The following SLC9C1 variants were observed in gnomAD, a reference collection of about 807,000 sequenced individuals.
The protein encoded by SLC9C1 is solute carrier family 9 member C1.
Under a neutral mutation model 140.9 loss-of-function variants are expected in SLC9C1, and 97 were observed. That is an observed-to-expected ratio of 0.69 (90% CI 0.58 to 0.82). The LOEUF (loss-of-function observed/expected upper bound fraction) is 0.82. Among genes scored for constraint, SLC9C1 ranks in the 40% least tolerant of loss-of-function variants. The pLI, the probability that SLC9C1 is intolerant of heterozygous loss-of-function variation, is 0.00. For synonymous variants in SLC9C1, 440 were observed against 442.6 expected, an observed-to-expected ratio of 0.99 and a Z score of 0.07; for missense variants, 1,340 against 1,389.3, an observed-to-expected ratio of 0.96 and a Z score of 0.56.
chr3:112,185,783 G>C, intron 20 of SLC9C1: 1 of 1,551,790 alleles, frequency 6.4e-7, no homozygotes. Context: ...GCACGATGCG[G>C]CTGCGAGAGG....
chr3:112,212,142 G>C (rs2078226099), intron 15 of SLC9C1, among the ~76,000 whole-genome samples: 1 of 152,168 alleles, frequency 6.6e-6, no homozygotes, highest in Admixed American at 6.5e-5. Context: ...TGCAGCTGAG[G>C]GTCCTGACTG....
chr3:112,289,270 G>T (rs1252789380), intron 1 of SLC9C1, among the ~76,000 whole-genome samples: 1 of 152,216 alleles, frequency 6.6e-6, no homozygotes, highest in African/African-American at 2.4e-5. Flanking sequence ...AAACCATGGG[G>T]TATATCAGCA....
intron 10 of SLC9C1, among the ~76,000 whole-genome samples, chr3:112,250,968 G>C (rs897160972): frequency 1.3e-5 from 2 of 152,240 alleles, no homozygotes; most frequent in Middle Eastern, 3.4e-3. Context: ...ATTCACAAGA[G>C]TAAATACATG....
chr3:112,178,998 G>C (rs1387824302), intron 23 of SLC9C1, among the ~76,000 whole-genome samples: 1 of 152,152 alleles, frequency 6.6e-6, no homozygotes, highest in East Asian at 1.9e-4. Context: ...AGCAACCTCA[G>C]TAGAAATTTT....
rs76841582 is a variant in SLC9C1 at position 112,240,802 on chromosome 3, A to G, written c.1280-796T>C. On this transcript the variant is annotated intron_variant, in intron 11 of 28. Transcript: ENST00000305815. ...TTGTTCTAGAATACATCCAGTTTCT[A>G]GCTTCCTAAGAAATTTAGCACCTGT... is the stretch of plus-strand genomic sequence containing the variant. Among the ~76,000 whole-genome samples the G allele has an allele frequency of 1.3e-3, 193 of 152,338 alleles. 3 individuals carry two copies. Among genetic ancestry groups the G allele is most frequent in the African/African-American group, 4.3e-3 (180 of 41,584 alleles).
chr3:112,272,741 A>T (rs2080110235), intron 6 of SLC9C1, among the ~76,000 whole-genome samples: 1 of 152,200 alleles, frequency 6.6e-6, no homozygotes, highest in Admixed American at 6.5e-5. Flanking sequence ...ACAAAAAAAT[A>T]AAGTTCCATT....
At chr3:112,250,518 C>G (rs2079424607) in intron 10 of SLC9C1, among the ~76,000 whole-genome samples, 1 of 149,842 alleles carries the variant, frequency 6.7e-6, no homozygotes, top group Non-Finnish European at 1.5e-5. Flanking sequence ...AACTAGTTTA[C>G]AGTCCCACCA....
intron 15 of SLC9C1, among the ~76,000 whole-genome samples, chr3:112,210,605 A>G (rs4682092): frequency 0.76 from 114,880 of 152,144 alleles, 43,782 homozygotes; most frequent in East Asian, 0.99. Context: ...AAATAACACT[A>G]AATTATACAC....
At position 112,141,011 on chromosome 3, in the gene SLC9C1, G is replaced by A. The variant is rs2074605505; in HGVS notation, c.*261C>T. 2.8e-6 allele frequency: 1 copy of A among 356,016 alleles called. No homozygotes were observed. The allele number at this position is 356,016 out of a possible 1,614,324, so 22.1% of individuals were successfully genotyped here. On this transcript the variant is annotated 3_prime_UTR_variant, in exon 29 of 29. Transcript: ENST00000305815. ...CTATAAACTTATTTTCTGGCTTTAAGACTAAAATTTACTCTAAGATTTTCT... is the reference window on the plus strand; with the variant it reads ...CTATAAACTTATTTTCTGGCTTTAAAACTAAAATTTACTCTAAGATTTTCT...
chr3:112,225,482 T>C (rs2078658286), intron 13 of SLC9C1, among the ~76,000 whole-genome samples: 1 of 151,960 alleles, frequency 6.6e-6, no homozygotes, highest in Admixed American at 6.6e-5. Context: ...TCAAACCTTA[T>C]TATTACAGAA....
Position 112,202,247 on chromosome 3 carries a change from T to C in SLC9C1, c.2322+3A>G. On this transcript the variant is annotated splice_donor_region_variant and intron_variant, in intron 18 of 28. Coordinates refer to ENST00000305815, the MANE Select transcript of SLC9C1 (RefSeq NM_183061.3). ...CTTTTCTTAGGATTTAAGGTTTTCT[T>C]ACCTGTTTAATCTGTTTAGAACTTG... 6.2e-7 allele frequency: 1 copy of C among 1,608,436 alleles called. No homozygotes were observed. The highest frequency in any genetic ancestry group is 8.5e-7 in the Non-Finnish European group (1 of 1,178,038).
At chr3:112,285,618 T>C (rs2080486517) in intron 2 of SLC9C1, among the ~76,000 whole-genome samples, 1 of 152,216 alleles carries the variant, frequency 6.6e-6, no homozygotes. Context: ...TTACACTGCA[T>C]AATTTCAGCT....
chr3:112,177,956 A>G (rs976142658), intron 23 of SLC9C1, among the ~76,000 whole-genome samples: 1 of 151,640 alleles, frequency 6.6e-6, no homozygotes, highest in Non-Finnish European at 1.5e-5. Context: ...ATGTGATTAT[A>G]TGCCAAAAAT....
intron 28 of SLC9C1, among the ~76,000 whole-genome samples, 186 bp downstream of exon 28, chr3:112,151,671 G>C (rs756838412): frequency 3.3e-5 from 5 of 152,212 alleles, no homozygotes; most frequent in Non-Finnish European, 7.3e-5. Flanking sequence ...CTAGATAAAG[G>C]AGTATTATTT....
intron 15 of SLC9C1, among the ~76,000 whole-genome samples, chr3:112,211,089 C>G (rs2078189515): frequency 6.6e-6 from 1 of 152,010 alleles, no homozygotes; most frequent in Admixed American, 6.6e-5. Flanking sequence ...TGTTTTCTTA[C>G]TTTAGGTATG....
chr3:112,218,055 A>G (rs2078433612), intron 14 of SLC9C1, among the ~76,000 whole-genome samples: 1 of 152,186 alleles, frequency 6.6e-6, no homozygotes, highest in Non-Finnish European at 1.5e-5. Flanking sequence ...CAAAGCAGAT[A>G]GTAAGGTTTA....
rs187607948 is a variant in SLC9C1, at chr3:112,216,735, G to A, written c.1790+707C>T. Reference sequence around the variant, plus strand: ...TGCTGGAGAGGATGTGGAGAAATAGGAACACATTTACACTGTTTGTGGGGC... The same window carrying A: ...TGCTGGAGAGGATGTGGAGAAATAGAAACACATTTACACTGTTTGTGGGGC... On this transcript the variant is annotated intron_variant, in intron 15 of 28. Coordinates refer to ENST00000305815, the MANE Select transcript of SLC9C1 (RefSeq NM_183061.3). Among the ~76,000 whole-genome samples, 356 of 152,292 alleles carry A rather than the reference G, an allele frequency of 2.3e-3. 11 individuals are homozygous for A. The East Asian group carries it at 0.06, about 26-fold the overall frequency.
chr3:112,160,240 T>G (rs1020199913), intron 26 of SLC9C1, among the ~76,000 whole-genome samples: 9 of 151,046 alleles, frequency 6.0e-5, no homozygotes, highest in Admixed American at 1.3e-4. Flanking sequence ...TATTTATTTT[T>G]TATTTTTATT....
chr3:112,268,384 C>T (rs1396099934), intron 7 of SLC9C1, among the ~76,000 whole-genome samples: 1 of 152,172 alleles, frequency 6.6e-6, no homozygotes, highest in African/African-American at 2.4e-5. Flanking sequence ...TACTCTAGCA[C>T]TTCTGAAGAA....
Sources: gnomAD v4.1 joint callset for allele counts (sites outside exome capture counted in the v4.1 genomes callset) on GRCh38, gnomAD v4.1.1 for gene constraint, MANE v1.5 for transcripts, NCBI Gene and HGNC (gene_info 2026-07-23, HGNC 2026-07-21) for gene names.